TMEM62: variants seen among roughly 807,000 people sequenced by gnomAD.
TMEM62 encodes the protein transmembrane protein 62.
Under a neutral mutation model 70.4 loss-of-function variants are expected in TMEM62, and 41 were observed. The observed-to-expected ratio is 0.58, with a 90% confidence interval of 0.45 to 0.76. TMEM62 has a LOEUF of 0.76. Among genes scored for constraint, TMEM62 ranks in the 30% least tolerant of loss-of-function variants. The probability of loss-of-function intolerance (pLI) is 0.00; values close to 1 mark genes in which losing one functional copy is unlikely to be tolerated. For synonymous variants in TMEM62, 268 were observed against 291.0 expected (o/e 0.92, Z 0.80); for missense variants, 688 against 788.5 (o/e 0.87, Z 1.53).
At chr15:43,164,451 C>CCT (rs1390343056) in intron 10 of TMEM62, among the ~76,000 whole-genome samples, 3 of 134,804 alleles carry the variant, frequency 2.2e-5, no homozygotes, top group African/African-American at 8.1e-5. Flanking sequence ...TTTTTCTTTT[C>CCT]TTTTTTTTTT....
rs763497197 is a variant in TMEM62, at chr15:43,146,631, T to C, written c.615T>C (p.Asp205=). ...KRPYNFFGIL[D]KKKMEELLLL... The stretch of plus-strand genomic sequence containing the variant: ...CCTATAATTTCTTTGGAATTTTAGA[T>C]AAGGTGCAGTAAAAATCTTACTTCC... Residue 205 remains aspartate, a synonymous_variant, in exon 5 of 14, where the codon GAT becomes GAC. Coordinates refer to ENST00000260403, the MANE Select transcript of TMEM62 (RefSeq NM_024956.4). 5 of 1,606,042 alleles carry C rather than the reference T, an allele frequency of 3.1e-6. No homozygotes were observed. The highest frequency in any genetic ancestry group is 4.2e-6 in the Non-Finnish European group (5 of 1,177,378).
chr15:43,165,442 T>C (rs888380817), intron 10 of TMEM62, among the ~76,000 whole-genome samples: 2 of 152,212 alleles, frequency 1.3e-5, no homozygotes, highest in African/African-American at 4.8e-5. Flanking sequence ...ATTAAATTTC[T>C]GTGATAGGAG....
At chr15:43,177,742 G>A (rs1254330918) in intron 11 of TMEM62, among the ~76,000 whole-genome samples, 10 of 151,818 alleles carry the variant, frequency 6.6e-5, no homozygotes, top group South Asian at 2.1e-4. Context: ...GTAAACTATC[G>A]CAAGGACAAA....
At chr15:43,149,437 T>C (rs2037089737) in intron 7 of TMEM62, among the ~76,000 whole-genome samples, 1 of 151,844 alleles carries the variant, frequency 6.6e-6, no homozygotes, top group African/African-American at 2.4e-5. Context: ...TTATGAAAAA[T>C]AAAAATTTTC....
chr15:43,167,287 C>T (rs1186990419), intron 10 of TMEM62, among the ~76,000 whole-genome samples: 8 of 151,130 alleles, frequency 5.3e-5, no homozygotes, highest in South Asian at 2.1e-4. Flanking sequence ...CCCTCCCGGA[C>T]GGGGTGGCTG....
At chr15:43,146,816 T>A (rs1399620409) in intron 5 of TMEM62, among the ~76,000 whole-genome samples, 182 bp downstream of exon 5, 5 of 152,226 alleles carry the variant, frequency 3.3e-5, no homozygotes, top group African/African-American at 1.2e-4. Context: ...CTATCCTTTT[T>A]CTTGTCCCAA....
chr15:43,146,434 G>C, intron 4 of TMEM62, 59 bp from the exon 5 acceptor site: 3 of 1,515,496 alleles, frequency 2.0e-6, no homozygotes, highest in Non-Finnish European at 2.7e-6. Context: ...TATTAGGGAA[G>C]GAATTTTAAA....
In TMEM62 at chr15:43,133,686, G is replaced by T. The variant is rs977425489; in HGVS notation, c.-117G>T. The T allele has an allele frequency of 4.1e-6, 3 of 731,496 alleles. No homozygotes were observed. Among genetic ancestry groups the T allele is most frequent in the Non-Finnish European group, 1.9e-6 (1 of 530,836 alleles). 45.3% of individuals were successfully genotyped at this position (731,496 alleles called of 1,614,324 possible). ...CAGCCCCGCATCCGGCGCCGGCCCC[G>T]CATCCAGCTCTGGCCCTGCGACAAT... On this transcript the variant is annotated 5_prime_UTR_variant, in exon 1 of 14. Transcript: ENST00000260403.
At chr15:43,173,809 G>GTA (rs995773641) in intron 11 of TMEM62, among the ~76,000 whole-genome samples, 28 of 146,730 alleles carry the variant, frequency 1.9e-4, no homozygotes, top group African/African-American at 7.0e-4. Flanking sequence ...CACTTCGAAT[G>GTA]TATATACATT....
At chr15:43,177,073 A>T (rs1421086515) in intron 11 of TMEM62, among the ~76,000 whole-genome samples, 1 of 152,098 alleles carries the variant, frequency 6.6e-6, no homozygotes, top group Non-Finnish European at 1.5e-5. Context: ...GATCAACTGG[A>T]AGAAAGGGTA....
chr15:43,138,662 G>A, intron 4 of TMEM62, 43 bp downstream of exon 4: 1 of 1,452,306 alleles, frequency 6.9e-7, no homozygotes, highest in Non-Finnish European at 9.5e-7. Flanking sequence ...TAGAGTCAGT[G>A]TTATAAGGAG....
chr15:43,180,569 G>A (rs1483885200), intron 12 of TMEM62: 1 of 152,124 alleles, frequency 6.6e-6, no homozygotes, highest in Non-Finnish European at 1.5e-5. Context: ...CACTGAGAAT[G>A]GGGCAGTAAA....
chr15:43,172,785 T>G (rs1364118474), intron 11 of TMEM62, among the ~76,000 whole-genome samples: 1 of 152,164 alleles, frequency 6.6e-6, no homozygotes, highest in East Asian at 1.9e-4. Flanking sequence ...TAGAAAAATA[T>G]ATACATATAC....
chr15:43,169,715 C>A, intron 11 of TMEM62, 38 bp downstream of exon 11: 2 of 1,560,752 alleles, frequency 1.3e-6, no homozygotes, highest in East Asian at 2.2e-5. Context: ...AAGCCTTGTT[C>A]ATGGAAAAAA....
Position 43,181,396 on chromosome 15 carries a change from A to G in TMEM62, c.1605+97A>G, listed in dbSNP as rs2041315355. 1.2e-5 allele frequency: 9 copies of G among 781,996 alleles called. No individual in the cohort carries two copies. The East Asian group carries it at 2.0e-4, about 17-fold the overall frequency. 48.4% of individuals were successfully genotyped at this position (781,996 alleles called of 1,614,324 possible). ...AATCCAAAATCCAGAATTAAGTACC[A>G]TAGATCATCTTTCCTACTTTACTTG... On this transcript the variant is annotated intron_variant, in intron 13 of 13. Coordinates refer to ENST00000260403, the MANE Select transcript of TMEM62 (RefSeq NM_024956.4).
chr15:43,181,124 T>C (rs2041288799), intron 12 of TMEM62, 57 bp from the exon 13 acceptor site: 6 of 1,070,216 alleles, frequency 5.6e-6, no homozygotes, highest in Non-Finnish European at 8.7e-6. Context: ...TCATGATATA[T>C]GTAATCAGAA....
chr15:43,181,607 T>C (rs921631232), intron 13 of TMEM62, among the ~76,000 whole-genome samples: 1 of 152,210 alleles, frequency 6.6e-6, no homozygotes, highest in Non-Finnish European at 1.5e-5. Context: ...GTTCCAGCGA[T>C]TTTCCTGCCT....
Position 43,154,758 on chromosome 15 carries a change from G to T in TMEM62, c.1109G>T (p.Gly370Val). The T allele has an allele frequency of 6.2e-7, 1 of 1,613,990 alleles. No homozygotes were observed. The change falls in exon 9 of 14, where the codon GGT becomes GTT. Residue 370 changes from glycine (G) to valine (V), a missense_variant. Transcript: ENST00000260403. ...VHLGQAVHVS[G>V]PIFVLKWNPR... ...TTAGGCCAGGCTGTTCATGTGTCTGGTCCCATTTTCGTACTGAAGTGGAAT... is the reference window on the plus strand; with the variant it reads ...TTAGGCCAGGCTGTTCATGTGTCTGTTCCCATTTTCGTACTGAAGTGGAAT...
chr15:43,184,673 C>T lies in TMEM62; in HGVS notation c.*87C>T. ...CTCTACCCCAGTAGCAGGTGGAGGG[C>T]CAGGATTGGTGGGTGAGCTTTAGGG... is the stretch of plus-strand genomic sequence containing the variant. On this transcript the variant is annotated 3_prime_UTR_variant, in exon 14 of 14. Coordinates refer to ENST00000260403, the MANE Select transcript of TMEM62 (RefSeq NM_024956.4). 2 of 1,263,032 alleles carry T rather than the reference C, an allele frequency of 1.6e-6. No homozygotes were observed. Among genetic ancestry groups the T allele is most frequent in the Non-Finnish European group, 2.2e-6 (2 of 912,604 alleles). The allele number at this position is 1,263,032 out of a possible 1,614,324, so 78.2% of individuals were successfully genotyped here. A position where few individuals can be genotyped will look rare whatever the true frequency, so the allele number is the denominator to read the frequency against.
Sources: gnomAD v4.1 joint callset for allele counts (sites outside exome capture counted in the v4.1 genomes callset) on GRCh38, gnomAD v4.1.1 for gene constraint, MANE v1.5 for transcripts, NCBI Gene and HGNC (gene_info 2026-07-23, HGNC 2026-07-21) for gene names.